Variants in GPC5 observed in about 807,000 individuals in gnomAD.
The protein encoded by GPC5 is glypican 5, also known as glypican-5.
A neutral mutation model predicts 53.9 loss-of-function variants in GPC5; 47 were observed. That is an observed-to-expected ratio of 0.87 (90% CI 0.69 to 1.11). GPC5 has a LOEUF of 1.11. Ranked by LOEUF, GPC5 falls within the 50% of genes most tolerant of loss-of-function variation. GPC5 has a pLI of 0.00. For synonymous variants in GPC5, 286 were observed against 263.3 expected (o/e 1.09, Z -0.84); for missense variants, 748 against 713.1 (o/e 1.05, Z -0.56).
intron 2 of GPC5, among the ~76,000 whole-genome samples, chr13:91,513,394 A>G (rs1441889466): frequency 1.3e-5 from 2 of 150,992 alleles, no homozygotes; most frequent in African/African-American, 4.9e-5. Context: ...AGTTGTGTGC[A>G]ATTTTATCAC....
intron 7 of GPC5, among the ~76,000 whole-genome samples, chr13:92,631,613 T>C (rs1193795410): frequency 6.6e-6 from 1 of 152,100 alleles, no homozygotes; most frequent in African/African-American, 2.4e-5. Flanking sequence ...AGTTACAGTG[T>C]TTTCCATTGC....
intron 5 of GPC5, among the ~76,000 whole-genome samples, chr13:91,818,573 T>G (rs2038436357): frequency 6.6e-6 from 1 of 152,080 alleles, no homozygotes; most frequent in Non-Finnish European, 1.5e-5. Context: ...TATAGAAAAA[T>G]AATAAAATGC....
chr13:92,850,656 G>T (rs1878764032), intron 7 of GPC5, among the ~76,000 whole-genome samples: 2 of 152,084 alleles, frequency 1.3e-5, no homozygotes, highest in Non-Finnish European at 2.9e-5. Flanking sequence ...TTGGTAGAGA[G>T]GTTAAAGAAG....
At chr13:92,596,137 G>C (rs1372883750) in intron 7 of GPC5, among the ~76,000 whole-genome samples, 1 of 152,070 alleles carries the variant, frequency 6.6e-6, no homozygotes, top group Admixed American at 6.6e-5. Context: ...GTTGTTCACT[G>C]AGAAAATTTA....
At chr13:92,668,842 G>T (rs1397650078) in intron 7 of GPC5, among the ~76,000 whole-genome samples, 1 of 151,900 alleles carries the variant, frequency 6.6e-6, no homozygotes, top group Non-Finnish European at 1.5e-5. Context: ...CAATTACAAA[G>T]TTTTTAAATA....
rs572297123 is a variant in GPC5 at position 91,722,946 on chromosome 13, C to T, written c.1021-5586C>T. ...ATGGGTAGCTTGTTTAAAGGCAGTG[C>T]TTTATGGAGTCTTAATAATTTATAA... On this transcript the variant is annotated intron_variant, in intron 3 of 7. Transcript: ENST00000377067. Among the ~76,000 whole-genome samples, 267 of 152,214 alleles carry T rather than the reference C, an allele frequency of 1.8e-3. 2 individuals carry two copies. The highest frequency in any genetic ancestry group is 6.8e-3 in the Middle Eastern group (2 of 294).
chr13:92,094,655 C>T (rs1213406955), intron 6 of GPC5, among the ~76,000 whole-genome samples: 1 of 151,670 alleles, frequency 6.6e-6, no homozygotes, highest in Non-Finnish European at 1.5e-5. Flanking sequence ...ATTGCTTGGC[C>T]CCCAAACATT....
chr13:91,406,907 G>T (rs919841376), intron 1 of GPC5, among the ~76,000 whole-genome samples: 1 of 152,134 alleles, frequency 6.6e-6, no homozygotes, highest in Admixed American at 6.5e-5. Context: ...AACTCACCAC[G>T]TATGGGTCAA....
chr13:91,934,656 A>G (rs1391246881), intron 6 of GPC5, among the ~76,000 whole-genome samples: 4 of 151,966 alleles, frequency 2.6e-5, no homozygotes, highest in Non-Finnish European at 4.4e-5. Flanking sequence ...GCTCATAAAC[A>G]TGAACAGCGT....
chr13:92,657,259 GAA>G (rs1039758417), intron 7 of GPC5, among the ~76,000 whole-genome samples: 37 of 151,966 alleles, frequency 2.4e-4, no homozygotes, highest in African/African-American at 8.9e-4. Context: ...TAAATAAAAA[GAA>G]AAAGTCATAT....
At chr13:91,484,329 G>T (rs973600016) in intron 2 of GPC5, among the ~76,000 whole-genome samples, 10 of 152,236 alleles carry the variant, frequency 6.6e-5, no homozygotes, top group African/African-American at 1.9e-4. Context: ...CTGTCTACCT[G>T]ATAGGATTAT....
At chr13:91,487,673 T>C (rs184583083) in intron 2 of GPC5, among the ~76,000 whole-genome samples, 38 of 152,362 alleles carry the variant, frequency 2.5e-4, no homozygotes, top group Non-Finnish European at 4.0e-4. Flanking sequence ...TAGCTTATTT[T>C]TGAGGTAAGA....
chr13:91,824,200 T>C (rs1014228050), intron 5 of GPC5, among the ~76,000 whole-genome samples: 1 of 151,998 alleles, frequency 6.6e-6, no homozygotes, highest in Non-Finnish European at 1.5e-5. Context: ...TTTTTGAGCA[T>C]CATAAAACTA....
At chr13:91,809,573 C>G (rs2038277628) in intron 5 of GPC5, among the ~76,000 whole-genome samples, 1 of 152,054 alleles carries the variant, frequency 6.6e-6, no homozygotes, top group Admixed American at 6.6e-5. Flanking sequence ...AGATGAATTT[C>G]TCAGCTATAT....
chr13:91,552,461 G>T (rs1170584340), intron 2 of GPC5, among the ~76,000 whole-genome samples: 1 of 151,896 alleles, frequency 6.6e-6, no homozygotes, highest in Non-Finnish European at 1.5e-5. Context: ...GAAATCAGGG[G>T]TCTCACAGCC....
At chr13:91,488,164 A>G (rs771180081) in intron 2 of GPC5, among the ~76,000 whole-genome samples, 1 of 152,166 alleles carries the variant, frequency 6.6e-6, no homozygotes, top group African/African-American at 2.4e-5. Context: ...ATATATGGTC[A>G]TGATGATTTT....
chr13:92,125,923 GGTTTTTTTTTTTTTTTTTTTTTTTT>G (rs2041691753), intron 6 of GPC5, among the ~76,000 whole-genome samples: 3 of 41,536 alleles, frequency 7.2e-5, no homozygotes, highest in Admixed American at 2.9e-4. Flanking sequence ...TTTGTTTTTT[GGTTTTTTTTTTTTTTTTTTTTTTTT>G]TTTTTTTTTT....
intron 1 of GPC5, among the ~76,000 whole-genome samples, chr13:91,440,629 A>T (rs1163947605): frequency 6.6e-6 from 1 of 151,358 alleles, no homozygotes; most frequent in African/African-American, 2.4e-5. Flanking sequence ...TGTTATATCG[A>T]CTCTTCATAT....
intron 7 of GPC5, among the ~76,000 whole-genome samples, chr13:92,296,354 T>C (rs1191259085): frequency 6.6e-6 from 1 of 151,412 alleles, no homozygotes; most frequent in African/African-American, 2.4e-5. Flanking sequence ...CTAGGGTGGG[T>C]AGGGAAGGGC....
Sources: gnomAD v4.1 joint callset for allele counts (sites outside exome capture counted in the v4.1 genomes callset) on GRCh38, gnomAD v4.1.1 for gene constraint, MANE v1.5 for transcripts, NCBI Gene and HGNC (gene_info 2026-07-23, HGNC 2026-07-21) for gene names.